Variants in ZNF131 observed in about 807,000 individuals in gnomAD.
The protein encoded by ZNF131 is zinc finger protein 131.
In ZNF131, 7 loss-of-function variants were observed where a neutral mutation model predicts 60.0. That is an observed-to-expected ratio of 0.12 (90% CI 0.07 to 0.22). The LOEUF (loss-of-function observed/expected upper bound fraction) is 0.22, where lower values mean the gene tolerates loss of function less well. Ranked by LOEUF, ZNF131 falls within the 10% of genes least tolerant of loss-of-function variation. The probability of loss-of-function intolerance (pLI) is 1.00; values close to 1 mark genes in which losing one functional copy is unlikely to be tolerated. For missense variants in ZNF131, 493 were observed against 740.9 expected (o/e 0.67, Z 3.88); for synonymous variants, 257 against 253.2 (o/e 1.01, Z -0.14).
At chr5:43,136,692 G>A (rs115496339) in intron 3 of ZNF131, among the ~76,000 whole-genome samples, 2 of 133,130 alleles carry the variant, frequency 1.5e-5, no homozygotes, top group African/African-American at 2.8e-5. Context: ...TCACCATATC[G>A]ACCAGGCTGA....
At chr5:43,140,229 A>G (rs2112261923) in intron 4 of ZNF131, among the ~76,000 whole-genome samples, 1 of 152,280 alleles carries the variant, frequency 6.6e-6, no homozygotes, top group East Asian at 1.9e-4. Flanking sequence ...CTGTTTTTTT[A>G]AAAAAGAGAA....
At chr5:43,126,294 T>C (rs1318377033) in intron 3 of ZNF131, among the ~76,000 whole-genome samples, 2 of 152,238 alleles carry the variant, frequency 1.3e-5, no homozygotes, top group East Asian at 3.8e-4. Flanking sequence ...GGTTTCACTT[T>C]AGCGGGCAGT....
At position 43,122,005 on chromosome 5, in the gene ZNF131, C is replaced by G. The variant is rs368322196; in HGVS notation, c.-15-34C>G. ...GGGGTTTTGTTCCTCGGCTCGAGCT[C>G]ATGGGTGTACATTATCATGCTCTTC... On this transcript the variant is annotated intron_variant, in intron 1 of 6. Coordinates refer to ENST00000682664, the MANE Select transcript of ZNF131 (RefSeq NM_001330707.2). 3.4e-5 allele frequency: 55 copies of G among 1,601,632 alleles called. No individual in the cohort carries two copies. In the African/African-American group the frequency reaches 7.1e-4, roughly 21 times the overall value.
chr5:43,122,360 C>A (rs904450355), intron 2 of ZNF131, among the ~76,000 whole-genome samples, 183 bp downstream of exon 2: 1 of 151,222 alleles, frequency 6.6e-6, no homozygotes, highest in Non-Finnish European at 1.5e-5. Flanking sequence ...ACACAGCGTG[C>A]TGCAGAAGGC....
At chr5:43,127,850 A>C (rs1480745853) in intron 3 of ZNF131, among the ~76,000 whole-genome samples, 1 of 152,196 alleles carries the variant, frequency 6.6e-6, no homozygotes, top group Non-Finnish European at 1.5e-5. Context: ...GTGAACCTCC[A>C]ATTTTCTAAA....
chr5:43,145,478 C>T (rs1747464896), intron 4 of ZNF131, among the ~76,000 whole-genome samples: 1 of 152,076 alleles, frequency 6.6e-6, no homozygotes. Context: ...AATGGTGAAA[C>T]ATCGTCTTTA....
At chr5:43,153,933 A>G (rs13166780) in intron 4 of ZNF131, among the ~76,000 whole-genome samples, 14,778 of 152,276 alleles carry the variant, frequency 0.097, 849 homozygotes, top group East Asian at 0.19. Context: ...TGAAACATCC[A>G]TCAGTACCTT....
chr5:43,156,545 T>G (rs1373982983), intron 4 of ZNF131, among the ~76,000 whole-genome samples: 2 of 152,216 alleles, frequency 1.3e-5, no homozygotes, highest in Non-Finnish European at 2.9e-5. Flanking sequence ...GCACGTGGCT[T>G]GACTAAACAA....
chr5:43,122,788 A>T (rs145907910), intron 2 of ZNF131, among the ~76,000 whole-genome samples: 127 of 152,358 alleles, frequency 8.3e-4, no homozygotes, highest in African/African-American at 3.0e-3. Context: ...TATTAGGCAT[A>T]TTAAAATGTT....
At chr5:43,143,936 T>TTTTTTTTTTTTTTTTC (rs1561411672) in intron 4 of ZNF131, among the ~76,000 whole-genome samples, 2 of 109,412 alleles carry the variant, frequency 1.8e-5, no homozygotes, top group African/African-American at 7.2e-5. Flanking sequence ...TTTTTTTTTT[T>TTTTTTTTTTTTTTTTC]CCTTGAGACG....
intron 4 of ZNF131, among the ~76,000 whole-genome samples, chr5:43,140,675 A>C (rs575313325): frequency 3.3e-5 from 5 of 152,202 alleles, no homozygotes; most frequent in Non-Finnish European, 5.9e-5. Flanking sequence ...TGGTTTAGTT[A>C]AAAGATAAAA....
chr5:43,165,714 CTGAT>C (rs1386210032), intron 5 of ZNF131, among the ~76,000 whole-genome samples: 1 of 152,230 alleles, frequency 6.6e-6, no homozygotes, highest in African/African-American at 2.4e-5. Context: ...TGATAAATGA[CTGAT>C]TGGCTTTAAC....
intron 3 of ZNF131, among the ~76,000 whole-genome samples, chr5:43,137,716 A>G (rs1029853955): frequency 1.3e-5 from 2 of 152,212 alleles, no homozygotes; most frequent in Non-Finnish European, 1.5e-5. Flanking sequence ...CAATTCAGCA[A>G]TCCCACTTGC....
At position 43,134,553 on chromosome 5, in the gene ZNF131, G is replaced by A. The variant is rs144125135; in HGVS notation, c.227-4612G>A. ...AAATGCCATCCAAGTAAGAAAGGAAGGAATCAATCTCTTTTTGCAGATGAC... is the reference window on the plus strand; with the variant it reads ...AAATGCCATCCAAGTAAGAAAGGAAAGAATCAATCTCTTTTTGCAGATGAC... On this transcript the variant is annotated intron_variant, in intron 3 of 6. Coordinates refer to ENST00000682664, the MANE Select transcript of ZNF131 (RefSeq NM_001330707.2). Among the ~76,000 whole-genome samples, 518 of 152,082 alleles carry A rather than the reference G, an allele frequency of 3.4e-3. 3 individuals are homozygous for A. Among genetic ancestry groups the A allele is most frequent in the African/African-American group, 0.012 (493 of 41,504 alleles).
At chr5:43,131,276 G>A (rs748181073) in intron 3 of ZNF131, among the ~76,000 whole-genome samples, 2 of 152,024 alleles carry the variant, frequency 1.3e-5, no homozygotes, top group Admixed American at 6.6e-5. Context: ...AGGTTCAAGC[G>A]ATTGTCCTGC....
At chr5:43,144,385 C>T (rs1187956170) in intron 4 of ZNF131, among the ~76,000 whole-genome samples, 4 of 151,574 alleles carry the variant, frequency 2.6e-5, no homozygotes, top group Non-Finnish European at 5.9e-5. Context: ...CTCACCACCA[C>T]GCCCAACTAA....
At chr5:43,164,400 A>T (rs1750107972) in intron 5 of ZNF131, among the ~76,000 whole-genome samples, 1 of 152,222 alleles carries the variant, frequency 6.6e-6, no homozygotes, top group Admixed American at 6.5e-5. Context: ...TGGTCCTTAG[A>T]AAACGAATAA....
chr5:43,127,424 T>A (rs55735646), intron 3 of ZNF131, among the ~76,000 whole-genome samples: 27,715 of 152,232 alleles, frequency 0.18, 2,954 homozygotes, highest in Middle Eastern at 0.34. Flanking sequence ...GTTAGAAATG[T>A]AGACTCAGGT....
At chr5:43,169,084 G>A (rs1356061770) in intron 5 of ZNF131, among the ~76,000 whole-genome samples, 1 of 152,198 alleles carries the variant, frequency 6.6e-6, no homozygotes, top group Non-Finnish European at 1.5e-5. Context: ...GAAAAGTAGT[G>A]TGGAATCATA....
Sources: gnomAD v4.1 joint callset for allele counts (sites outside exome capture counted in the v4.1 genomes callset) on GRCh38, gnomAD v4.1.1 for gene constraint, MANE v1.5 for transcripts, NCBI Gene and HGNC (gene_info 2026-07-23, HGNC 2026-07-21) for gene names.